PPP1R12B: variants seen among roughly 807,000 people sequenced by gnomAD.
PPP1R12B encodes the protein protein phosphatase 1 regulatory subunit 12B.
A neutral mutation model predicts 126.1 loss-of-function variants in PPP1R12B; 76 were observed. That is an observed-to-expected ratio of 0.60 (90% CI 0.50 to 0.73). The LOEUF is 0.73. Among genes scored for constraint, PPP1R12B ranks in the 30% least tolerant of loss-of-function variants. The probability of loss-of-function intolerance (pLI) is 0.00; values close to 1 mark genes in which losing one functional copy is unlikely to be tolerated. For missense variants in PPP1R12B, 1,052 were observed against 1,205.1 expected (o/e 0.87, Z 1.88); for synonymous variants, 356 against 434.7 (o/e 0.82, Z 2.25).
At chr1:202,524,564 A>G (rs916926685) in intron 18 of PPP1R12B, among the ~76,000 whole-genome samples, 5 of 152,106 alleles carry the variant, frequency 3.3e-5, no homozygotes, top group African/African-American at 1.2e-4. Context: ...TATCACTGAC[A>G]CCTTTTCGTC....
intron 1 of PPP1R12B, among the ~76,000 whole-genome samples, chr1:202,383,520 T>TA (rs965222355): frequency 3.3e-5 from 5 of 152,170 alleles, no homozygotes; most frequent in African/African-American, 1.2e-4. Context: ...GATCAGGAGT[T>TA]AAAGACCAGC....
chr1:202,404,865 C>A (rs1177054971), intron 1 of PPP1R12B, among the ~76,000 whole-genome samples: 1 of 152,190 alleles, frequency 6.6e-6, no homozygotes. Context: ...ACTTCTTACT[C>A]TGCACTATAA....
rs1179976591 is a variant in PPP1R12B at position 202,589,386 on chromosome 1, G to A, written c.*8826G>A. 1 of 152,148 alleles carries A rather than the reference G, an allele frequency of 6.6e-6. No homozygotes were observed. Among genetic ancestry groups the A allele is most frequent in the African/African-American group, 2.4e-5 (1 of 41,402 alleles). The allele number at this position is 152,148 out of a possible 1,614,324, so 9.4% of individuals were successfully genotyped here. A position where few individuals can be genotyped will look rare whatever the true frequency, so the allele number is the denominator to read the frequency against. ...ACTGACTTGGGGAGAGGTCAGGGAG[G>A]GAAGATTCTTCTCCCCTGATGTCAC... On this transcript the variant is annotated 3_prime_UTR_variant, in exon 24 of 24. Transcript: ENST00000608999.
chr1:202,426,871 C>T (rs943223837), intron 4 of PPP1R12B, among the ~76,000 whole-genome samples, 169 bp from the exon 5 acceptor site: 2 of 152,152 alleles, frequency 1.3e-5, no homozygotes, highest in Admixed American at 6.5e-5. Context: ...ATGATTGGTA[C>T]GCAAAGTAGT....
chr1:202,554,711 G>A (rs577952534), intron 18 of PPP1R12B, among the ~76,000 whole-genome samples: 9 of 151,710 alleles, frequency 5.9e-5, no homozygotes, highest in Non-Finnish European at 1.0e-4. Flanking sequence ...CATCACCTAC[G>A]CATTTTATAA....
intron 18 of PPP1R12B, among the ~76,000 whole-genome samples, chr1:202,523,719 T>C (rs1683024869): frequency 6.6e-6 from 1 of 152,144 alleles, no homozygotes. Context: ...TTTTTTGTTT[T>C]GTTTTGTTTT....
intron 13 of PPP1R12B, among the ~76,000 whole-genome samples, chr1:202,483,939 C>A (rs750142459): frequency 2.6e-5 from 4 of 152,164 alleles, no homozygotes; most frequent in Non-Finnish European, 5.9e-5. Flanking sequence ...CTCCTGCTCA[C>A]TTGGTTTCCA....
At chr1:202,499,438 A>G (rs1241737740) in intron 18 of PPP1R12B, among the ~76,000 whole-genome samples, 4 of 152,120 alleles carry the variant, frequency 2.6e-5, no homozygotes, top group African/African-American at 7.2e-5. Context: ...GAGTTTTTCT[A>G]GAGATGGGGT....
At chr1:202,545,215 T>G (rs1177114528) in intron 18 of PPP1R12B, among the ~76,000 whole-genome samples, 1 of 152,206 alleles carries the variant, frequency 6.6e-6, no homozygotes, top group Admixed American at 6.5e-5. Context: ...TTTTGGGGGT[T>G]TTTTATTTCA....
rs1381313781 is a variant in PPP1R12B at position 202,582,527 on chromosome 1, A to T, written c.*1967A>T. Reference sequence around the variant, plus strand: ...TCTGTTAATTCTTTCCTAACATGACATGTAGCTCTCCATGGTCCTCCCTCT... The same window carrying T: ...TCTGTTAATTCTTTCCTAACATGACTTGTAGCTCTCCATGGTCCTCCCTCT... On this transcript the variant is annotated 3_prime_UTR_variant, in exon 24 of 24. Coordinates refer to ENST00000608999, the MANE Select transcript of PPP1R12B (RefSeq NM_002481.4). The T allele has an allele frequency of 6.6e-6, 1 of 152,632 alleles. No individual in the cohort carries two copies. Among genetic ancestry groups the T allele is most frequent in the Non-Finnish European group, 1.5e-5 (1 of 68,050 alleles). 9.5% of individuals were successfully genotyped at this position (152,632 alleles called of 1,614,324 possible). A position where few individuals can be genotyped will look rare whatever the true frequency, so the allele number is the denominator to read the frequency against.
At chr1:202,568,216 G>T (rs566487364) in intron 22 of PPP1R12B, among the ~76,000 whole-genome samples, 66 of 151,644 alleles carry the variant, frequency 4.4e-4, no homozygotes, top group African/African-American at 1.6e-3. Flanking sequence ...TCTCTTTACC[G>T]TTTTCATAAC....
chr1:202,433,019 G>A (rs1467983896), intron 8 of PPP1R12B, among the ~76,000 whole-genome samples: 2 of 152,170 alleles, frequency 1.3e-5, no homozygotes, highest in African/African-American at 4.8e-5. Flanking sequence ...GGAAGTTAGA[G>A]AACCATCAGT....
At chr1:202,538,855 A>G (rs1345057882) in intron 18 of PPP1R12B, among the ~76,000 whole-genome samples, 3 of 152,138 alleles carry the variant, frequency 2.0e-5, no homozygotes, top group African/African-American at 7.2e-5. Flanking sequence ...CAATTGCACT[A>G]CTGTCTGTTT....
intron 17 of PPP1R12B, among the ~76,000 whole-genome samples, chr1:202,495,948 A>G (rs1679505117): frequency 6.6e-6 from 1 of 152,228 alleles, no homozygotes; most frequent in Non-Finnish European, 1.5e-5. Flanking sequence ...GGAAATATAC[A>G]ACAGCCATAT....
At chr1:202,484,795 A>G (rs1304495165) in intron 13 of PPP1R12B, among the ~76,000 whole-genome samples, 2 of 151,952 alleles carry the variant, frequency 1.3e-5, no homozygotes, top group Non-Finnish European at 2.9e-5. Context: ...TTTCCCCCAA[A>G]CACTCTGAAT....
intron 1 of PPP1R12B, among the ~76,000 whole-genome samples, chr1:202,368,921 G>T (rs1659750482): frequency 1.3e-5 from 2 of 151,782 alleles, no homozygotes; most frequent in Non-Finnish European, 2.9e-5. Context: ...TACAGATGAG[G>T]TCTCTCTATG....
intron 23 of PPP1R12B, chr1:202,575,030 C>G: frequency 1.2e-6 from 2 of 1,613,314 alleles, no homozygotes; most frequent in Admixed American, 1.7e-5. Flanking sequence ...CAGATTCAAA[C>G]CTTGAAGCAG....
chr1:202,557,136 C>T (rs928885735), intron 18 of PPP1R12B, among the ~76,000 whole-genome samples: 3 of 152,058 alleles, frequency 2.0e-5, no homozygotes, highest in Non-Finnish European at 4.4e-5. Flanking sequence ...CACAGGTGCC[C>T]ACCACCATGC....
At chr1:202,366,677 T>G in intron 1 of PPP1R12B, among the ~76,000 whole-genome samples, 1 of 152,266 alleles carries the variant, frequency 6.6e-6, no homozygotes, top group East Asian at 1.9e-4. Context: ...TAGGAACACC[T>G]AATAATACCA....
Sources: allele counts gnomAD v4.1 joint callset (sites outside exome capture counted in the v4.1 genomes callset), GRCh38; gene constraint gnomAD v4.1.1; transcripts MANE v1.5; gene names NCBI Gene and HGNC (gene_info 2026-07-23, HGNC 2026-07-21).